The following CENPI variants were observed in gnomAD, a reference collection of about 807,000 sequenced individuals.
CENPI encodes centromere protein I.
A neutral mutation model predicts 60.4 loss-of-function variants in CENPI; 4 were observed. That is an observed-to-expected ratio of 0.07 (90% confidence interval 0.03 to 0.15). CENPI has a LOEUF of 0.15. Ranked by LOEUF, CENPI falls within the 10% of genes least tolerant of loss-of-function variation. The pLI is 1.00. For synonymous variants in CENPI, 157 were observed against 189.4 expected, an observed-to-expected ratio of 0.83 and a Z score of 1.40; for missense variants, 444 against 534.5, an observed-to-expected ratio of 0.83 and a Z score of 1.67.
chrX:101,108,659 T>G (rs1181464946), intron 4 of CENPI, among the ~76,000 whole-genome samples: 1 of 109,492 alleles, frequency 9.1e-6, no homozygotes, highest in Non-Finnish European at 1.9e-5. Context: ...TTTTTTTTTT[T>G]TTTGAGAGAG....
In CENPI at chrX:101,109,555, C is replaced by T. The variant is rs201645922; in HGVS notation, c.447C>T (p.Ser149=). The change falls in exon 5 of 22, where the codon TCC becomes TCT. Residue 149 remains serine (S), a synonymous_variant. Transcript: ENST00000682095. ...ISEDSVVKAV[S]WLCVGKCSGS... ...AAGATTCTGTGGTTAAGGCAGTCTC[C>T]TGGCTTTGTGTTGGCAAGTGTTCTG... 47 of 1,206,829 alleles carry T rather than the reference C, an allele frequency of 3.9e-5. No individual in the cohort carries two copies. In the Middle Eastern group the frequency reaches 1.6e-3, roughly 41 times the overall value.
In CENPI at chrX:101,102,492, T is replaced by TACACACACACACAC. The variant is rs199742109; in HGVS notation, c.364+82_364+83insCACACACACACACA. On this transcript the variant is annotated intron_variant, in intron 4 of 21. Coordinates refer to ENST00000682095, the MANE Select transcript of CENPI (RefSeq NM_001386188.2). Reference sequence around the variant, plus strand: ...TTCTTTTAAAAATAAATCTTATATATATATACACACACACACACACACACA... The same window carrying TACACACACACACAC: ...TTCTTTTAAAAATAAATCTTATATATACACACACACACACATATACACACACACACACACACACA... The TACACACACACACAC allele has an allele frequency of 3.1e-4, 92 of 301,260 alleles. 3 individuals are homozygous for TACACACACACACAC. The highest frequency in any genetic ancestry group is 7.5e-4 in the South Asian group (10 of 13,385). 24.8% of individuals were successfully genotyped at this position (301,260 alleles called of 1,213,427 possible).
chrX:101,119,788 A>C (rs2089658063), intron 6 of CENPI, among the ~76,000 whole-genome samples: 1 of 112,309 alleles, frequency 8.9e-6, no homozygotes, highest in South Asian at 3.7e-4. Context: ...TGAAAATGAT[A>C]ATTTTGAAGA....
At chrX:101,150,757 C>A (rs943706136) in intron 20 of CENPI, among the ~76,000 whole-genome samples, 6 of 110,999 alleles carry the variant, frequency 5.4e-5, no homozygotes, top group Non-Finnish European at 9.4e-5. Flanking sequence ...GTCCTTTCCT[C>A]TTCCATCTTT....
chrX:101,098,788 C>T (rs1010377631), intron 2 of CENPI: 1 of 111,488 alleles, frequency 9.0e-6, no homozygotes, highest in African/African-American at 3.3e-5. Flanking sequence ...CGCTCCTTGA[C>T]CTCTAACATT....
intron 20 of CENPI, among the ~76,000 whole-genome samples, chrX:101,156,862 CG>C (rs1304159316): frequency 9.8e-6 from 1 of 102,504 alleles, no homozygotes; most frequent in African/African-American, 3.4e-5. Flanking sequence ...AGTATTTCAT[CG>C]TATATATATA....
chrX:101,126,921 C>G, intron 9 of CENPI, 123 bp downstream of exon 9: 1 of 708,927 alleles, frequency 1.4e-6, no homozygotes, highest in South Asian at 3.2e-5. Flanking sequence ...TATTGTGGTA[C>G]TGTTTTGGGA....
intron 13 of CENPI, among the ~76,000 whole-genome samples, chrX:101,131,011 A>C (rs1046816833): frequency 9.0e-6 from 1 of 110,932 alleles, no homozygotes; most frequent in Admixed American, 9.7e-5. Context: ...TTTTTTTTAG[A>C]CAAGGTCTTG....
chrX:101,154,558 G>A (rs140030210), intron 20 of CENPI, among the ~76,000 whole-genome samples: 11 of 111,199 alleles, frequency 9.9e-5, no homozygotes, highest in Middle Eastern at 4.6e-3. Flanking sequence ...TCCAGCCTGG[G>A]CGAAAGAGCA....
intron 16 of CENPI, among the ~76,000 whole-genome samples, chrX:101,143,102 A>G (rs1184257302): frequency 9.3e-6 from 1 of 107,999 alleles, no homozygotes; most frequent in African/African-American, 3.4e-5. Flanking sequence ...TAGTTTTGCA[A>G]ATAGCCAGCT....
chrX:101,163,533 C>T lies in CENPI; in HGVS notation c.*566C>T. The T allele has an allele frequency of 8.6e-6, 1 of 116,220 alleles. No individual in the cohort carries two copies. Among genetic ancestry groups the T allele is most frequent in the East Asian group, 2.8e-4 (1 of 3,572 alleles). The allele number at this position is 116,220 out of a possible 1,213,427, so 9.6% of individuals were successfully genotyped here. A position where few individuals can be genotyped will look rare whatever the true frequency, so the allele number is the denominator to read the frequency against. On this transcript the variant is annotated 3_prime_UTR_variant, in exon 22 of 22. Transcript: ENST00000682095. The stretch of plus-strand genomic sequence containing the variant: ...GGATTTGTTGGGTAATCAAGACATT[C>T]CCGTATATGTCTGATTTCATGGAAC...
At chrX:101,131,793 C>A (rs899461053) in intron 13 of CENPI, among the ~76,000 whole-genome samples, 1 of 111,681 alleles carries the variant, frequency 9.0e-6, no homozygotes, top group African/African-American at 3.3e-5. Flanking sequence ...TGGAGCTGCT[C>A]AGAGTTGGGA....
chrX:101,099,031 TTCTTTTCTTTTC>T (rs1337654289), intron 2 of CENPI, among the ~76,000 whole-genome samples: 3 of 105,838 alleles, frequency 2.8e-5, no homozygotes, highest in African/African-American at 7.0e-5. Flanking sequence ...TTACTACTGT[TTCTTTTCTTTTC>T]TCTTTTCTTT....
chrX:101,159,978 G>A (rs947223015), intron 20 of CENPI, among the ~76,000 whole-genome samples: 16 of 112,517 alleles, frequency 1.4e-4, no homozygotes, highest in African/African-American at 5.2e-4. Flanking sequence ...CAGAAGAGAT[G>A]TTCAAGCTAG....
the CENPI span, among the ~76,000 whole-genome samples, chrX:101,181,337 GC>G: frequency 2.7e-5 from 3 of 111,983 alleles, no homozygotes; most frequent in African/African-American, 9.7e-5. Context: ...GTCAATTTCT[GC>G]AAAGAAAGGC....
chrX:101,178,959 G>A, the CENPI span, among the ~76,000 whole-genome samples: 7 of 111,916 alleles, frequency 6.3e-5, no homozygotes, highest in South Asian at 2.6e-3. Context: ...TTTTAAAGGC[G>A]AGTTTTGATA....
At chrX:101,119,081 G>T (rs1347438103) in intron 6 of CENPI, among the ~76,000 whole-genome samples, 2 of 111,429 alleles carry the variant, frequency 1.8e-5, no homozygotes, top group Admixed American at 1.9e-4. Context: ...TTGGGAGGCT[G>T]AGGTAGGAGA....
At chrX:101,108,349 A>G (rs1163855662) in intron 4 of CENPI, among the ~76,000 whole-genome samples, 1 of 104,802 alleles carries the variant, frequency 9.5e-6, no homozygotes, top group African/African-American at 3.4e-5. Context: ...AGGCACCACC[A>G]TGCCCAGCTA....
At chrX:101,174,422 C>T in the CENPI span, among the ~76,000 whole-genome samples, 10 of 111,884 alleles carry the variant, frequency 8.9e-5, no homozygotes, top group Non-Finnish European at 1.1e-4. Context: ...AACCTAGGTG[C>T]CCATCAGTGG....
Sources: gnomAD v4.1 joint callset for allele counts (sites outside exome capture counted in the v4.1 genomes callset) on GRCh38, gnomAD v4.1.1 for gene constraint, MANE v1.5 for transcripts, NCBI Gene and HGNC (gene_info 2026-07-23, HGNC 2026-07-21) for gene names.